LIPC: variants seen among roughly 807,000 people sequenced by gnomAD.
The protein encoded by LIPC is hepatic triacylglycerol lipase.
A neutral mutation model predicts 50.7 loss-of-function variants in LIPC; 44 were observed. That is an observed-to-expected ratio of 0.87 (90% confidence interval 0.68 to 1.11). LIPC has a LOEUF of 1.11. Among genes scored for constraint, LIPC ranks in the 50% most tolerant of loss-of-function variants. The probability of loss-of-function intolerance (pLI) is 0.00; values close to 1 mark genes in which losing one functional copy is unlikely to be tolerated. For missense variants in LIPC, 697 were observed against 648.2 expected (o/e 1.08, Z -0.82); for synonymous variants, 271 against 256.4 (o/e 1.06, Z -0.54).
chr15:58,456,231 A>G (rs1282928226), intron 1 of LIPC: 2 of 152,236 alleles, frequency 1.3e-5, no homozygotes, highest in Non-Finnish European at 2.9e-5. Context: ...ATGGCATGGA[A>G]ACATGCTATG....
At chr15:58,465,021 G>T (rs1275468727) in intron 1 of LIPC, among the ~76,000 whole-genome samples, 1 of 152,116 alleles carries the variant, frequency 6.6e-6, no homozygotes, top group African/African-American at 2.4e-5. Flanking sequence ...AACATATAGG[G>T]CTTCTCATCT....
chr15:58,437,053 G>C (rs570572333), intron 1 of LIPC: 4 of 358,572 alleles, frequency 1.1e-5, no homozygotes, highest in South Asian at 2.1e-5. Context: ...GTCCAACTTC[G>C]AACAGGCATG....
chr15:58,447,015 G>A (rs754473047), intron 1 of LIPC, among the ~76,000 whole-genome samples: 8 of 151,834 alleles, frequency 5.3e-5, no homozygotes, highest in Non-Finnish European at 7.4e-5. Flanking sequence ...AGGTGTGGTG[G>A]TACGTGCCTG....
intron 1 of LIPC, among the ~76,000 whole-genome samples, chr15:58,518,233 A>C (rs1432177280): frequency 6.6e-6 from 1 of 152,208 alleles, no homozygotes; most frequent in Non-Finnish European, 1.5e-5. Flanking sequence ...AGGTGTTGCC[A>C]TGTTTCCAAA....
intron 1 of LIPC, among the ~76,000 whole-genome samples, chr15:58,531,884 T>A (rs1892972111): frequency 6.6e-6 from 1 of 152,178 alleles, no homozygotes; most frequent in Non-Finnish European, 1.5e-5. Flanking sequence ...AACTTAGGAA[T>A]TTCTTCTGAG....
chr15:58,519,410 C>CAAA lies in LIPC; in HGVS notation c.89-18911_89-18909dup, dbSNP rs11432168. ...TGGGTGACACAGAGAGACTCTGTCT[C>CAAA]AAAAAAAAAAAAAAGAAAAAAAAGA... On this transcript the variant is annotated intron_variant, in intron 1 of 8. Transcript: ENST00000299022. Among the ~76,000 whole-genome samples the CAAA allele has an allele frequency of 4.6e-4, 60 of 131,848 alleles. 1 individual carries two copies. The highest frequency in any genetic ancestry group is 9.6e-4 in the African/African-American group (32 of 33,258). The allele number at this position is 131,848 out of a possible 152,430, so 86.5% of individuals were successfully genotyped here.
intron 8 of LIPC, 81 bp from the exon 9 acceptor site, chr15:58,568,635 T>C: frequency 6.0e-6 from 5 of 829,762 alleles, no homozygotes; most frequent in East Asian, 2.6e-5. Context: ...ACAAATTGAG[T>C]GAAATTTGAT....
chr15:58,438,107 G>A (rs777348198), intron 1 of LIPC, among the ~76,000 whole-genome samples: 12 of 152,140 alleles, frequency 7.9e-5, no homozygotes, highest in East Asian at 1.9e-4. Flanking sequence ...AAATGAGTGC[G>A]CAGCCAAAAG....
intron 1 of LIPC, among the ~76,000 whole-genome samples, chr15:58,477,277 A>G (rs1891032965): frequency 6.6e-6 from 1 of 152,172 alleles, no homozygotes; most frequent in South Asian, 2.1e-4. Context: ...AGCACTTCTG[A>G]GGGAAGCTAC....
chr15:58,536,407 T>A (rs2140902048), intron 1 of LIPC, among the ~76,000 whole-genome samples: 1 of 152,256 alleles, frequency 6.6e-6, no homozygotes, highest in South Asian at 2.1e-4. Flanking sequence ...TTTAGACTCT[T>A]TGAGCAGCTG....
chr15:58,561,010 G>T (rs1407923129), intron 7 of LIPC, 29 bp downstream of exon 7: 1 of 890,652 alleles, frequency 1.1e-6, no homozygotes, highest in Non-Finnish European at 1.7e-6. Flanking sequence ...CCCCTAGGGT[G>T]ATGACACACT....
chr15:58,452,962 G>A (rs1421526045), intron 1 of LIPC, among the ~76,000 whole-genome samples: 4 of 152,210 alleles, frequency 2.6e-5, no homozygotes, highest in African/African-American at 7.2e-5. Flanking sequence ...GGCCCTATCG[G>A]TGTGAGCCCA....
intron 6 of LIPC, 69 bp downstream of exon 6, chr15:58,548,641 C>A: frequency 6.5e-7 from 1 of 1,538,630 alleles, no homozygotes. Flanking sequence ...CTCAGAAGTC[C>A]CCTTGGCTTC....
At chr15:58,501,420 A>AT (rs1457541214) in intron 1 of LIPC, among the ~76,000 whole-genome samples, 1 of 137,412 alleles carries the variant, frequency 7.3e-6, no homozygotes, top group African/African-American at 2.7e-5. Flanking sequence ...ACCCACCAGT[A>AT]TTTTTTTGTT....
chr15:58,540,896 G>A (rs550334479), intron 2 of LIPC, among the ~76,000 whole-genome samples: 1 of 152,188 alleles, frequency 6.6e-6, no homozygotes, highest in African/African-American at 2.4e-5. Flanking sequence ...GACCTCCTAG[G>A]CTCAAGCCAT....
intron 1 of LIPC, among the ~76,000 whole-genome samples, chr15:58,445,700 A>T (rs1270735810): frequency 2.6e-5 from 4 of 152,152 alleles, no homozygotes; most frequent in African/African-American, 9.7e-5. Context: ...CAGCTCCATC[A>T]CTTCCCAGCA....
At chr15:58,488,691 A>C (rs1413603499) in intron 1 of LIPC, among the ~76,000 whole-genome samples, 3 of 152,218 alleles carry the variant, frequency 2.0e-5, no homozygotes, top group Non-Finnish European at 2.9e-5. Flanking sequence ...GGAGTAGTTT[A>C]GGAGTGAAGA....
At chr15:58,506,983 G>A (rs533880053) in intron 1 of LIPC, among the ~76,000 whole-genome samples, 14 of 152,350 alleles carry the variant, frequency 9.2e-5, no homozygotes, top group African/African-American at 2.2e-4. Flanking sequence ...AATGCCCAGC[G>A]AAGGGGTAGG....
intron 1 of LIPC, among the ~76,000 whole-genome samples, chr15:58,492,740 G>T (rs1595893869): frequency 6.6e-6 from 1 of 152,066 alleles, no homozygotes; most frequent in African/African-American, 2.4e-5. Flanking sequence ...TTTGTTTTTT[G>T]TTCTGTTTTG....
Sources: gnomAD v4.1 joint callset for allele counts (sites outside exome capture counted in the v4.1 genomes callset) on GRCh38, gnomAD v4.1.1 for gene constraint, MANE v1.5 for transcripts, NCBI Gene and HGNC (gene_info 2026-07-23, HGNC 2026-07-21) for gene names.